ASPSCR1: variants seen among roughly 807,000 people sequenced by gnomAD.
ASPSCR1 encodes ASPSCR1 tether for SLC2A4, UBX domain containing.
A neutral mutation model predicts 68.9 loss-of-function variants in ASPSCR1; 55 were observed. That is an observed-to-expected ratio of 0.80 (90% CI 0.64 to 1.00). The LOEUF is 1.00. Ranked by LOEUF, ASPSCR1 falls within the 50% of genes least tolerant of loss-of-function variation. ASPSCR1 has a pLI of 0.00. For synonymous variants in ASPSCR1, 352 were observed against 332.6 expected, an observed-to-expected ratio of 1.06 and a Z score of -0.63; for missense variants, 765 against 762.2, an observed-to-expected ratio of 1.00 and a Z score of -0.04.
chr17:81,983,294 G>A lies in ASPSCR1; in HGVS notation c.159-260G>A, dbSNP rs1234248933. On this transcript the variant is annotated intron_variant, in intron 2 of 15. Coordinates refer to ENST00000306739, the MANE Select transcript of ASPSCR1 (RefSeq NM_024083.4). The surrounding 1 kb of genome is among the most constrained non-coding windows in gnomAD (Gnocchi z 4.4). The stretch of plus-strand genomic sequence containing the variant: ...GCTGTCAGCACCCCAGACTCTGAAG[G>A]AGCAGCCCCCTCGGCGTGCACCGAG... Among the ~76,000 whole-genome samples, 1 of 152,102 alleles carries A rather than the reference G, an allele frequency of 6.6e-6. No homozygotes were observed. The highest frequency in any genetic ancestry group is 1.9e-4 in the East Asian group (1 of 5,164).
Position 81,991,597 on chromosome 17 carries a change from T to TCCTGTCCATC in ASPSCR1, c.375-3212_375-3203dup, listed in dbSNP as rs910971006. Among the ~76,000 whole-genome samples, 9 of 152,208 alleles carry TCCTGTCCATC rather than the reference T, an allele frequency of 5.9e-5. No individual in the cohort carries two copies. In the East Asian group the frequency reaches 1.4e-3, roughly 23 times the overall value. ...TTCATCCCTGTCCGTCCTTGTCCATTCCTGTCCATCCCTGTCCATCCTTGT... is the reference window on the plus strand; with the variant it reads ...TTCATCCCTGTCCGTCCTTGTCCATTCCTGTCCATCCCTGTCCATCCCTGTCCATCCTTGT... On this transcript the variant is annotated intron_variant, in intron 4 of 15. Transcript: ENST00000306739.
intron 12 of ASPSCR1, chr17:82,015,183 G>C (rs776306980): frequency 6.3e-7 from 1 of 1,598,276 alleles, no homozygotes; most frequent in Admixed American, 1.7e-5. Flanking sequence ...TGGAGGCGAC[G>C]TGGACTCTGG....
chr17:81,997,971 C>T (rs2042408548), intron 7 of ASPSCR1, among the ~76,000 whole-genome samples: 3 of 151,916 alleles, frequency 2.0e-5, no homozygotes, highest in East Asian at 1.9e-4. Flanking sequence ...GGACTACAGG[C>T]GTGTGCCACC....
chr17:82,010,296 A>C (rs542108721), intron 9 of ASPSCR1, among the ~76,000 whole-genome samples: 1 of 150,302 alleles, frequency 6.7e-6, no homozygotes, highest in East Asian at 2.0e-4. Flanking sequence ...TTGGGAGGCC[A>C]AGGTGGGCGG....
intron 11 of ASPSCR1, 47 bp downstream of exon 11, chr17:82,011,652 C>T: frequency 1.3e-6 from 2 of 1,588,260 alleles, no homozygotes; most frequent in Non-Finnish European, 1.7e-6. Context: ...TGCTCGGGGC[C>T]TTGGTGCTGT....
rs181975075 is a variant in ASPSCR1, at chr17:81,982,199, C to T, written c.159-1355C>T. On this transcript the variant is annotated intron_variant, in intron 2 of 15. Transcript: ENST00000306739. ...GGCCAGACTGCTCTCAAACTCCTGA[C>T]CTCAAGTGATCTGCCCGTCTGGGCC... Among the ~76,000 whole-genome samples the T allele has an allele frequency of 9.8e-4, 150 of 152,286 alleles. 2 individuals carry two copies. Among genetic ancestry groups the T allele is most frequent in the Non-Finnish European group, 3.4e-4 (23 of 68,010 alleles).
At position 82,012,257 on chromosome 17, in the gene ASPSCR1, G is replaced by T. The variant is rs971835067; in HGVS notation, c.1327G>T (p.Asp443Tyr). ...LFITPPKTVL[D>Y]DHTQTLFQAN... Reference sequence around the variant, plus strand: ...CATCACCCCTCCAAAAACAGTCCTGGACGACCACACGCAGACCCTCTTTCA... The same window carrying T: ...CATCACCCCTCCAAAAACAGTCCTGTACGACCACACGCAGACCCTCTTTCA... Residue 443 changes from aspartate (D) to tyrosine (Y), a missense_variant, in exon 12 of 16, where the codon GAC becomes TAC. Transcript: ENST00000306739. 1.2e-6 allele frequency: 2 copies of T among 1,613,608 alleles called. No homozygotes were observed. Among genetic ancestry groups the T allele is most frequent in the Non-Finnish European group, 1.7e-6 (2 of 1,179,964 alleles).
At chr17:82,010,276 T>A (rs2042881020) in intron 9 of ASPSCR1, among the ~76,000 whole-genome samples, 1 of 149,194 alleles carries the variant, frequency 6.7e-6, no homozygotes, top group Non-Finnish European at 1.5e-5. Flanking sequence ...ACGCCTGTAA[T>A]CCCAGCACTT....
rs370380394 is a variant in ASPSCR1 at position 82,011,534 on chromosome 17, C to A, written c.1238-9C>A. The stretch of plus-strand genomic sequence containing the variant: ...AGAGCTGTCTGTATGTTCTTTTTCT[C>A]CTCTGCAGTGGGGGACTTGCGAGAC... On this transcript the variant is annotated splice_polypyrimidine_tract_variant and intron_variant, in intron 10 of 15. Coordinates refer to ENST00000306739, the MANE Select transcript of ASPSCR1 (RefSeq NM_024083.4). 1 of 1,579,448 alleles carries A rather than the reference C, an allele frequency of 6.3e-7. No individual in the cohort carries two copies. The highest frequency in any genetic ancestry group is 8.6e-7 in the Non-Finnish European group (1 of 1,168,756).
intron 4 of ASPSCR1, 92 bp downstream of exon 4, chr17:81,985,699 G>C: frequency 7.6e-7 from 1 of 1,309,762 alleles, no homozygotes; most frequent in Non-Finnish European, 1.1e-6. Flanking sequence ...GGACACCCAA[G>C]CTCTGTGCTG....
intron 4 of ASPSCR1, among the ~76,000 whole-genome samples, chr17:81,993,740 A>G (rs2144035598): frequency 6.6e-6 from 1 of 152,346 alleles, no homozygotes; most frequent in South Asian, 2.1e-4. Context: ...GGGTTGCTGC[A>G]AGCAGTTTCC....
chr17:81,985,299 C>T (rs2041960205), intron 3 of ASPSCR1, among the ~76,000 whole-genome samples: 1 of 152,212 alleles, frequency 6.6e-6, no homozygotes, highest in Admixed American at 6.5e-5. Context: ...CACATGCACA[C>T]ACGCATGCTG....
chr17:82,008,820 C>T, intron 7 of ASPSCR1: 1 of 538,224 alleles, frequency 1.9e-6, no homozygotes, highest in Non-Finnish European at 3.1e-6. Flanking sequence ...AGGGGGGTCT[C>T]CAGCCCTGGA....
At chr17:82,012,551 C>T (rs941637698) in intron 12 of ASPSCR1, among the ~76,000 whole-genome samples, 5 of 151,994 alleles carry the variant, frequency 3.3e-5, no homozygotes, top group African/African-American at 9.7e-5. Context: ...TTGGAGGTCT[C>T]GGCCCCCCTG....
chr17:81,983,788 T>C lies in ASPSCR1; in HGVS notation c.273+120T>C. On this transcript the variant is annotated intron_variant, in intron 3 of 15. Coordinates refer to ENST00000306739, the MANE Select transcript of ASPSCR1 (RefSeq NM_024083.4). This position sits in a 1 kb window ranked among gnomAD's most constrained non-coding sequence, Gnocchi z 4.4. Reference sequence around the variant, plus strand: ...GGAGGGACATGAGTCTTAGCACCAGTTCTGCCTTCCCTGGGTTGGGCCCAA... The same window carrying C: ...GGAGGGACATGAGTCTTAGCACCAGCTCTGCCTTCCCTGGGTTGGGCCCAA... 1 of 816,308 alleles carries C rather than the reference T, an allele frequency of 1.2e-6. No homozygotes were observed. Among genetic ancestry groups the C allele is most frequent in the Non-Finnish European group, 2.0e-6 (1 of 512,250 alleles). 50.6% of individuals were successfully genotyped at this position (816,308 alleles called of 1,614,324 possible).
chr17:82,017,270 C>T (rs1489869502), intron 15 of ASPSCR1, 39 bp from the exon 16 acceptor site: 3 of 1,609,252 alleles, frequency 1.9e-6, no homozygotes, highest in Admixed American at 1.7e-5. Context: ...GTGGTGAGAG[C>T]CCGGGGTGTG....
At chr17:82,015,252 C>T (rs767476847) in intron 12 of ASPSCR1, 83 of 1,598,158 alleles carry the variant, frequency 5.2e-5, no homozygotes, top group Admixed American at 8.3e-5. Context: ...TGGTCAGCCT[C>T]CATGCCACCC....
chr17:81,979,259 G>T lies in ASPSCR1; in HGVS notation c.158+20G>T. 1 of 1,612,122 alleles carries T rather than the reference G, an allele frequency of 6.2e-7. No homozygotes were observed. The highest frequency in any genetic ancestry group is 8.5e-7 in the Non-Finnish European group (1 of 1,178,284). On this transcript the variant is annotated intron_variant, in intron 2 of 15. Coordinates refer to ENST00000306739, the MANE Select transcript of ASPSCR1 (RefSeq NM_024083.4). ...TCTGAAGTGAGTTTGCTCCAGCTCA[G>T]CAGCAGGGTCTGAGTATATCTGTGC...
At chr17:81,998,652 C>T (rs540451805) in intron 7 of ASPSCR1, among the ~76,000 whole-genome samples, 4 of 152,296 alleles carry the variant, frequency 2.6e-5, no homozygotes, top group East Asian at 1.9e-4. Context: ...TGGAGATGAC[C>T]GTATGCTTTA....
Sources: gnomAD v4.1 joint callset for allele counts (sites outside exome capture counted in the v4.1 genomes callset) on GRCh38, gnomAD v4.1.1 for gene constraint, Gnocchi (gnomAD v3.1) non-coding constraint, MANE v1.5 for transcripts, NCBI Gene and HGNC (gene_info 2026-07-23, HGNC 2026-07-21) for gene names.